ATP10B: variants seen among roughly 807,000 people sequenced by gnomAD.
The protein encoded by ATP10B is ATPase phospholipid transporting 10B (putative), also known as phospholipid-transporting ATPase VB.
Under a neutral mutation model 141.2 loss-of-function variants are expected in ATP10B, and 122 were observed. The observed-to-expected ratio is 0.86, with a 90% CI of 0.75 to 1.00. ATP10B has a LOEUF of 1.00. Among genes scored for constraint, ATP10B ranks in the 50% least tolerant of loss-of-function variants. The pLI is 0.00. For missense variants in ATP10B, 1,876 were observed against 1,825.3 expected (o/e 1.03, Z -0.51); for synonymous variants, 685 against 692.0 (o/e 0.99, Z 0.16).
the ATP10B span, among the ~76,000 whole-genome samples, chr5:160,918,062 T>G: frequency 6.6e-6 from 1 of 152,164 alleles, no homozygotes; most frequent in Non-Finnish European, 1.5e-5. Context: ...GTGTTCTCAT[T>G]CTGTCTACTC....
the ATP10B span, among the ~76,000 whole-genome samples, chr5:160,926,524 G>C: frequency 3.9e-5 from 6 of 152,216 alleles, no homozygotes; most frequent in Admixed American, 2.0e-4. Flanking sequence ...CCAACCTGAG[G>C]ATCAGATATA....
intron 7 of ATP10B, among the ~76,000 whole-genome samples, chr5:160,656,649 T>C (rs1057294631): frequency 1.3e-5 from 2 of 152,046 alleles, no homozygotes; most frequent in African/African-American, 4.8e-5. Flanking sequence ...ATATATATTC[T>C]TAAATAATGG....
chr5:160,805,191 T>C (rs561647888), intron 1 of ATP10B, among the ~76,000 whole-genome samples: 9 of 152,238 alleles, frequency 5.9e-5, no homozygotes, highest in South Asian at 2.1e-4. Context: ...AGACTATATA[T>C]CATTGTTTAT....
intron 18 of ATP10B, among the ~76,000 whole-genome samples, chr5:160,611,093 A>T (rs544033732): frequency 4.6e-5 from 7 of 152,328 alleles, no homozygotes; most frequent in Admixed American, 3.9e-4. Context: ...TTTTCATCCC[A>T]GGTAAAGAGA....
At chr5:160,577,108 A>AT (rs1165254170) in intron 24 of ATP10B, among the ~76,000 whole-genome samples, 1 of 152,196 alleles carries the variant, frequency 6.6e-6, no homozygotes, top group African/African-American at 2.4e-5. Context: ...CATTTGTTAC[A>AT]TTTTCAACTG....
chr5:160,888,218 A>G, the ATP10B span, among the ~76,000 whole-genome samples: 1 of 152,226 alleles, frequency 6.6e-6, no homozygotes, highest in Non-Finnish European at 1.5e-5. Context: ...GTGATGCCTA[A>G]TTAGAGGATA....
intron 24 of ATP10B, among the ~76,000 whole-genome samples, chr5:160,572,877 G>T (rs1202755406): frequency 6.6e-6 from 1 of 152,192 alleles, no homozygotes; most frequent in Non-Finnish European, 1.5e-5. Context: ...TTTATGGAAA[G>T]ATTAAGTCTT....
At chr5:160,837,298 T>C (rs1410524485) in intron 1 of ATP10B, among the ~76,000 whole-genome samples, 1 of 152,106 alleles carries the variant, frequency 6.6e-6, no homozygotes, top group African/African-American at 2.4e-5. Context: ...ATACAGAAAA[T>C]TTAGCTTTTG....
intron 3 of ATP10B, among the ~76,000 whole-genome samples, chr5:160,701,579 C>G (rs1295232741): frequency 6.6e-6 from 1 of 152,142 alleles, no homozygotes; most frequent in Admixed American, 6.5e-5. Flanking sequence ...TACCCTAGAG[C>G]TGCCTGAGAG....
chr5:160,702,371 C>G (rs1764732113), intron 3 of ATP10B, among the ~76,000 whole-genome samples: 1 of 152,080 alleles, frequency 6.6e-6, no homozygotes, highest in African/African-American at 2.4e-5. Context: ...AATAGAAGTT[C>G]CCTGTTTTTG....
At chr5:160,652,931 A>G (rs1241328126) in intron 7 of ATP10B, among the ~76,000 whole-genome samples, 4 of 81,818 alleles carry the variant, frequency 4.9e-5, no homozygotes, top group Admixed American at 1.9e-4. Context: ...AATATATTAT[A>G]TATACATGTA....
At chr5:160,802,444 T>A (rs1772437939) in intron 1 of ATP10B, among the ~76,000 whole-genome samples, 1 of 152,198 alleles carries the variant, frequency 6.6e-6, no homozygotes, top group South Asian at 2.1e-4. Context: ...TAGAGGCATT[T>A]TTGGTTGTCG....
chr5:160,719,294 G>C (rs904156245), intron 2 of ATP10B, among the ~76,000 whole-genome samples: 8 of 152,192 alleles, frequency 5.3e-5, no homozygotes, highest in Non-Finnish European at 1.2e-4. Flanking sequence ...CAGCTACTCG[G>C]GAGGCTGAGG....
chr5:160,708,477 G>A (rs1765154288), intron 3 of ATP10B, among the ~76,000 whole-genome samples: 1 of 152,082 alleles, frequency 6.6e-6, no homozygotes, highest in Non-Finnish European at 1.5e-5. Context: ...CCAATATAAT[G>A]TTCTCTATCA....
At chr5:160,908,548 T>G in the ATP10B span, among the ~76,000 whole-genome samples, 1 of 152,240 alleles carries the variant, frequency 6.6e-6, no homozygotes, top group African/African-American at 2.4e-5. Context: ...CTGACATTTC[T>G]TACTTTTTTG....
chr5:160,794,879 T>C (rs912761165), intron 1 of ATP10B, among the ~76,000 whole-genome samples: 2 of 152,194 alleles, frequency 1.3e-5, no homozygotes, highest in Non-Finnish European at 2.9e-5. Context: ...AATTTCAAAA[T>C]AGCACTCTTT....
intron 19 of ATP10B, among the ~76,000 whole-genome samples, chr5:160,606,485 C>T (rs1403500763): frequency 6.6e-6 from 1 of 152,200 alleles, no homozygotes; most frequent in African/African-American, 2.4e-5. Flanking sequence ...ATTTCTTGAG[C>T]TATCTGGATT....
chr5:160,741,256 A>G (rs1767456115), intron 2 of ATP10B, among the ~76,000 whole-genome samples: 1 of 152,242 alleles, frequency 6.6e-6, no homozygotes, highest in African/African-American at 2.4e-5. Context: ...GAAATGCTTC[A>G]GTAAAGTTAG....
At chr5:160,795,352 G>A (rs1359780309) in intron 1 of ATP10B, among the ~76,000 whole-genome samples, 2 of 152,134 alleles carry the variant, frequency 1.3e-5, no homozygotes, top group African/African-American at 4.8e-5. Context: ...GACTGGAGTA[G>A]AGAGAAGTCT....
Sources: allele counts gnomAD v4.1 joint callset (sites outside exome capture counted in the v4.1 genomes callset), GRCh38; gene constraint gnomAD v4.1.1; transcripts MANE v1.5; gene names NCBI Gene and HGNC (gene_info 2026-07-23, HGNC 2026-07-21).